The following LPCAT1 variants were observed in gnomAD, a reference collection of about 807,000 sequenced individuals.
LPCAT1 encodes the protein 1-acylglycerol-3-phosphate O-acyltransferase.
A neutral mutation model predicts 60.9 loss-of-function variants in LPCAT1; 23 were observed. The observed-to-expected ratio is 0.38, with a 90% CI of 0.27 to 0.53. The LOEUF (loss-of-function observed/expected upper bound fraction) is 0.53, where lower values mean the gene tolerates loss of function less well. LPCAT1 is among the 20% of genes least tolerant of loss of function. The pLI is 0.82. For missense variants in LPCAT1, 622 were observed against 723.6 expected, an observed-to-expected ratio of 0.86 and a Z score of 1.61; for synonymous variants, 340 against 301.1, an observed-to-expected ratio of 1.13 and a Z score of -1.34.
intron 2 of LPCAT1, among the ~76,000 whole-genome samples, chr5:1,497,107 G>C (rs1735822940): frequency 6.6e-6 from 1 of 152,228 alleles, no homozygotes; most frequent in Non-Finnish European, 1.5e-5. Context: ...CATCAGAAGA[G>C]GGGTGCAAAA....
chr5:1,465,137 G>A lies in LPCAT1; in HGVS notation c.1421-1302C>T, dbSNP rs1019568803. Among the ~76,000 whole-genome samples, 16 of 140,176 alleles carry A rather than the reference G, an allele frequency of 1.1e-4. 1 individual carries two copies. The highest frequency in any genetic ancestry group is 6.9e-4 in the South Asian group (3 of 4,348). 92.0% of individuals were successfully genotyped at this position (140,176 alleles called of 152,430 possible). A position where few individuals can be genotyped will look rare whatever the true frequency, so the allele number is the denominator to read the frequency against. Reference sequence around the variant, plus strand: ...ACATGCACACACACACAAAACAAGCGCAGGCACACGCGGTAACTAAACATG... The same window carrying A: ...ACATGCACACACACACAAAACAAGCACAGGCACACGCGGTAACTAAACATG... On this transcript the variant is annotated intron_variant, in intron 13 of 13. Transcript: ENST00000283415.
At chr5:1,501,912 G>A (rs1257143643) in intron 1 of LPCAT1, among the ~76,000 whole-genome samples, 1 of 151,990 alleles carries the variant, frequency 6.6e-6, no homozygotes, top group Non-Finnish European at 1.5e-5. Flanking sequence ...GACCGGTGCT[G>A]ACCAAGGCTG....
At chr5:1,500,367 G>T (rs1167613262) in intron 2 of LPCAT1, among the ~76,000 whole-genome samples, 2 of 152,248 alleles carry the variant, frequency 1.3e-5, no homozygotes, top group Non-Finnish European at 2.9e-5. Context: ...GAATTTAAAT[G>T]AAACAAGAAA....
At chr5:1,497,013 A>G (rs1048730087) in intron 2 of LPCAT1, among the ~76,000 whole-genome samples, 1 of 152,182 alleles carries the variant, frequency 6.6e-6, no homozygotes, top group Admixed American at 6.5e-5. Context: ...CACGGACGAC[A>G]CCCAAGAATC....
At chr5:1,512,418 C>T (rs1736384913) in intron 1 of LPCAT1, among the ~76,000 whole-genome samples, 1 of 152,256 alleles carries the variant, frequency 6.6e-6, no homozygotes, top group African/African-American at 2.4e-5. Context: ...ATCCCTGAAG[C>T]ACCCAGTGTC....
chr5:1,465,242 C>A (rs938604662), intron 13 of LPCAT1, among the ~76,000 whole-genome samples: 5 of 147,172 alleles, frequency 3.4e-5, no homozygotes, highest in African/African-American at 1.3e-4. Context: ...CAAGCACACG[C>A]ACACAGCAAC....
chr5:1,521,302 C>T lies in LPCAT1; in HGVS notation c.135+2408G>A, dbSNP rs182773278. 10,407 of 984,620 alleles carry T rather than the reference C, an allele frequency of 0.011. 78 individuals carry two copies. The highest frequency in any genetic ancestry group is 0.027 in the South Asian group (570 of 21,274). The allele number at this position is 984,620 out of a possible 1,614,324, so 61.0% of individuals were successfully genotyped here. On this transcript the variant is annotated intron_variant, in intron 1 of 13. Transcript: ENST00000283415. The surrounding 1 kb of genome is among the most constrained non-coding windows in gnomAD (Gnocchi z 4.3). ...GCGCTAATCCGAAGACACACAGCAG[C>T]CCCTCCCAGGCGGCAAATGCTCACA...
Position 1,502,129 on chromosome 5 carries a change from A to C in LPCAT1, c.136-526T>G, listed in dbSNP as rs1257953290. Among the ~76,000 whole-genome samples the C allele has an allele frequency of 6.6e-6, 1 of 152,078 alleles. No individual in the cohort carries two copies. On this transcript the variant is annotated intron_variant, in intron 1 of 13. Transcript: ENST00000283415. This position sits in a 1 kb window ranked among gnomAD's most constrained non-coding sequence, Gnocchi z 5.5. ...CCCACTGCCCGCTTCCTGCCTCCTTACTGGAGCTGCCATGCGAGTGGCTTG... is the reference window on the plus strand; with the variant it reads ...CCCACTGCCCGCTTCCTGCCTCCTTCCTGGAGCTGCCATGCGAGTGGCTTG...
chr5:1,508,707 T>A (rs1024995932), intron 1 of LPCAT1, among the ~76,000 whole-genome samples: 1 of 152,224 alleles, frequency 6.6e-6, no homozygotes, highest in African/African-American at 2.4e-5. Flanking sequence ...ATAAAAAGTA[T>A]AAAAGTGATG....
At chr5:1,463,958 G>A in intron 13 of LPCAT1, 123 bp from the exon 14 acceptor site, 6 of 978,276 alleles carry the variant, frequency 6.1e-6, no homozygotes, top group Non-Finnish European at 9.3e-6. Context: ...GGTTAGAATC[G>A]TCTGTGAAAC....
intron 9 of LPCAT1, among the ~76,000 whole-genome samples, chr5:1,475,139 C>T (rs141340464): frequency 4.5e-4 from 68 of 152,332 alleles, no homozygotes; most frequent in African/African-American, 5.8e-4. Context: ...CAGAGTGAGG[C>T]GGGCTGTGCC....
intron 1 of LPCAT1, among the ~76,000 whole-genome samples, chr5:1,509,006 G>T (rs930955600): frequency 1.3e-5 from 2 of 152,274 alleles, no homozygotes; most frequent in African/African-American, 4.8e-5. Flanking sequence ...CCCGACAGGG[G>T]TGCTGCGGTG....
intron 3 of LPCAT1, among the ~76,000 whole-genome samples, chr5:1,491,534 G>GT (rs1735582760): frequency 6.6e-6 from 1 of 152,152 alleles, no homozygotes; most frequent in Non-Finnish European, 1.5e-5. Context: ...TGAAGTCTTG[G>GT]GCCGTGCGTC....
Position 1,498,647 on chromosome 5 carries a change from TAC to T in LPCAT1, c.278+2812_278+2813del, listed in dbSNP as rs200466469. Among the ~76,000 whole-genome samples, 39 of 146,976 alleles carry T rather than the reference TAC, an allele frequency of 2.7e-4. 1 individual carries two copies. The highest frequency in any genetic ancestry group is 1.9e-3 in the East Asian group (9 of 4,840). On this transcript the variant is annotated intron_variant, in intron 2 of 13. Transcript: ENST00000283415. Reference sequence around the variant, plus strand: ...ACTTGCACATATACACACATACATGTACACAGAGACACAACACTCATACACAT... The same window carrying T: ...ACTTGCACATATACACACATACATGTACAGAGACACAACACTCATACACAT...
intron 3 of LPCAT1, among the ~76,000 whole-genome samples, chr5:1,490,507 G>C (rs1330118605): frequency 1.3e-5 from 2 of 152,226 alleles, no homozygotes; most frequent in Non-Finnish European, 1.5e-5. Context: ...CGAGCCGGGA[G>C]GGCCGAGGGA....
intron 5 of LPCAT1, 79 bp downstream of exon 5, chr5:1,488,312 C>G: frequency 2.2e-6 from 2 of 890,480 alleles, no homozygotes; most frequent in South Asian, 3.2e-5. Context: ...CTTATGTGCA[C>G]AGCACATTAT....
chr5:1,508,945 G>A (rs1418837380), intron 1 of LPCAT1, among the ~76,000 whole-genome samples: 1 of 152,264 alleles, frequency 6.6e-6, no homozygotes, highest in African/African-American at 2.4e-5. Flanking sequence ...AAGACACGAG[G>A]TTGCCAGAGA....
intron 8 of LPCAT1, among the ~76,000 whole-genome samples, chr5:1,478,052 G>T (rs1560960378): frequency 6.6e-6 from 1 of 152,286 alleles, no homozygotes; most frequent in Admixed American, 6.5e-5. Flanking sequence ...GCCCATTTCT[G>T]ACAGCATCAG....
chr5:1,472,219 G>A (rs13186902), intron 11 of LPCAT1, among the ~76,000 whole-genome samples: 5 of 150,540 alleles, frequency 3.3e-5, no homozygotes, highest in African/African-American at 9.8e-5. Context: ...ACCCAGGGGC[G>A]GAGGGAGGAC....
Sources: gnomAD v4.1 joint callset for allele counts (sites outside exome capture counted in the v4.1 genomes callset) on GRCh38, gnomAD v4.1.1 for gene constraint, Gnocchi (gnomAD v3.1) non-coding constraint, MANE v1.5 for transcripts, NCBI Gene and HGNC (gene_info 2026-07-23, HGNC 2026-07-21) for gene names.